The following MCC variants were observed in gnomAD, a reference collection of about 807,000 sequenced individuals.
The protein encoded by MCC is MCC regulator of Wnt signaling pathway.
In MCC, 90 loss-of-function variants were observed where a neutral mutation model predicts 116.2. The observed-to-expected ratio is 0.77, with a 90% CI of 0.65 to 0.92. The LOEUF (loss-of-function observed/expected upper bound fraction) is 0.92. MCC is among the 40% of genes least tolerant of loss of function. The pLI is 0.00. For missense variants in MCC, 1,516 were observed against 1,312.2 expected (o/e 1.16, Z -2.40); for synonymous variants, 578 against 510.5 (o/e 1.13, Z -1.78).
chr5:113,327,561 A>AAATATATATATATATAT (rs1480996383), intron 3 of MCC, among the ~76,000 whole-genome samples: 55 of 80,522 alleles, frequency 6.8e-4, no homozygotes, highest in Admixed American at 1.5e-3. Flanking sequence ...AAAAAAAAAA[A>AAATATATATATATATAT]ATATATATAT....
intron 2 of MCC, among the ~76,000 whole-genome samples, chr5:113,350,604 C>T (rs1010822967): frequency 6.6e-6 from 1 of 152,072 alleles, no homozygotes; most frequent in African/African-American, 2.4e-5. Flanking sequence ...TTTGAGGAAA[C>T]TCTCCAGAAC....
chr5:113,092,594 A>G (rs1281765933), intron 8 of MCC, among the ~76,000 whole-genome samples: 1 of 152,188 alleles, frequency 6.6e-6, no homozygotes, highest in African/African-American at 2.4e-5. Context: ...AAGATTAAGA[A>G]TCTATCACCT....
At chr5:113,217,297 G>A (rs1426191959) in intron 3 of MCC, among the ~76,000 whole-genome samples, 1 of 152,266 alleles carries the variant, frequency 6.6e-6, no homozygotes, top group East Asian at 1.9e-4. Flanking sequence ...TCTGTAAATT[G>A]TCTTTTCCTG....
At chr5:113,395,952 T>A (rs570601115) in intron 1 of MCC, among the ~76,000 whole-genome samples, 7 of 152,302 alleles carry the variant, frequency 4.6e-5, no homozygotes, top group African/African-American at 1.4e-4. Flanking sequence ...AAAGGCTTCC[T>A]AAGTAGTTCA....
chr5:113,108,706 G>A (rs1756904229), intron 6 of MCC, among the ~76,000 whole-genome samples: 1 of 151,698 alleles, frequency 6.6e-6, no homozygotes, highest in South Asian at 2.1e-4. Flanking sequence ...GCAGACACAA[G>A]GCAGAGAGCT....
intron 3 of MCC, among the ~76,000 whole-genome samples, chr5:113,272,755 AATGAAT>A (rs1300155811): frequency 6.6e-6 from 1 of 152,330 alleles, no homozygotes; most frequent in Admixed American, 6.5e-5. Context: ...TTCTTTTAAA[AATGAAT>A]ATGATAATGC....
intron 1 of MCC, among the ~76,000 whole-genome samples, chr5:113,468,481 C>T (rs1335591801): frequency 6.6e-6 from 1 of 152,184 alleles, no homozygotes; most frequent in African/African-American, 2.4e-5. Context: ...TGTTGGATTA[C>T]ATTTATTGAT....
chr5:113,220,842 A>C (rs1763525910), intron 3 of MCC, among the ~76,000 whole-genome samples: 3 of 152,194 alleles, frequency 2.0e-5, no homozygotes. Context: ...TGCACTGGCT[A>C]GAACATCTAG....
intron 14 of MCC, 42 bp downstream of exon 14, chr5:113,063,942 T>C (rs757048471): frequency 9.5e-6 from 15 of 1,572,244 alleles, no homozygotes; most frequent in Non-Finnish European, 1.2e-5. Flanking sequence ...ACAGATGCCA[T>C]GTGGACACAC....
At chr5:113,266,790 T>G (rs963327125) in intron 3 of MCC, among the ~76,000 whole-genome samples, 2 of 150,094 alleles carry the variant, frequency 1.3e-5, no homozygotes, top group African/African-American at 4.9e-5. Context: ...TCCCTCCATA[T>G]GGACAAAAAA....
At chr5:113,366,269 G>A (rs13171482) in intron 2 of MCC, among the ~76,000 whole-genome samples, 28,824 of 151,628 alleles carry the variant, frequency 0.19, 3,025 homozygotes, top group Non-Finnish European at 0.24. Flanking sequence ...TCTGGACACA[G>A]TAAGTGTAAT....
chr5:113,482,070 T>A (rs1772394817), intron 1 of MCC, among the ~76,000 whole-genome samples: 1 of 152,336 alleles, frequency 6.6e-6, no homozygotes, highest in Admixed American at 6.5e-5. Context: ...TCAAGGTTCA[T>A]CCTTGTTATA....
chr5:113,064,285 T>C (rs1753438538), intron 13 of MCC, 118 bp from the exon 14 acceptor site: 8 of 897,758 alleles, frequency 8.9e-6, no homozygotes, highest in East Asian at 5.2e-5. Flanking sequence ...TGGAAGGGAA[T>C]TGGCAGTGCC....
intron 1 of MCC, among the ~76,000 whole-genome samples, chr5:113,460,757 T>A (rs572653301): frequency 6.6e-6 from 1 of 152,332 alleles, no homozygotes; most frequent in East Asian, 1.9e-4. Flanking sequence ...TTGCCTTATA[T>A]TTGGCTGCTG....
intron 1 of MCC, among the ~76,000 whole-genome samples, chr5:113,446,676 T>A (rs1227518518): frequency 2.0e-5 from 3 of 152,014 alleles, no homozygotes; most frequent in Non-Finnish European, 4.4e-5. Flanking sequence ...TTTGGAGACT[T>A]CCCAAAGAAC....
intron 8 of MCC, among the ~76,000 whole-genome samples, chr5:113,087,236 A>C (rs1231763791): frequency 2.6e-5 from 4 of 152,218 alleles, no homozygotes; most frequent in Non-Finnish European, 4.4e-5. Context: ...TCAACATATT[A>C]GAAGCTAAAA....
chr5:113,143,177 T>TA, intron 5 of MCC, 41 bp downstream of exon 5: 1 of 1,547,372 alleles, frequency 6.5e-7, no homozygotes, highest in East Asian at 2.3e-5. Context: ...ATGGAGGGTT[T>TA]AGCAGAAGGG....
chr5:113,391,895 A>T (rs1329235146), intron 1 of MCC, among the ~76,000 whole-genome samples: 1 of 151,984 alleles, frequency 6.6e-6, no homozygotes, highest in Non-Finnish European at 1.5e-5. Flanking sequence ...TTTGTCACAA[A>T]CTCTTCTGTA....
intron 13 of MCC, among the ~76,000 whole-genome samples, chr5:113,067,044 T>G (rs992965386): frequency 2.6e-5 from 4 of 152,230 alleles, no homozygotes; most frequent in African/African-American, 9.6e-5. Flanking sequence ...CCCACATCAC[T>G]GCAGGCTCGG....
Sources: allele counts gnomAD v4.1 joint callset (sites outside exome capture counted in the v4.1 genomes callset), GRCh38; gene constraint gnomAD v4.1.1; transcripts MANE v1.5; gene names NCBI Gene and HGNC (gene_info 2026-07-23, HGNC 2026-07-21).